Variants in CDC37L1 observed in about 807,000 individuals in gnomAD.
The protein encoded by CDC37L1 is cell division cycle 37 like 1, HSP90 cochaperone.
A neutral mutation model predicts 45.9 loss-of-function variants in CDC37L1; 32 were observed. The observed-to-expected ratio is 0.70, with a 90% CI of 0.53 to 0.94. The LOEUF (loss-of-function observed/expected upper bound fraction) is 0.94, where lower values mean the gene tolerates loss of function less well. CDC37L1 is among the 40% of genes least tolerant of loss of function. The pLI is 0.00. For synonymous variants in CDC37L1, 150 were observed against 133.0 expected (o/e 1.13, Z -0.88); for missense variants, 434 against 405.7 (o/e 1.07, Z -0.60).
intron 3 of CDC37L1, among the ~76,000 whole-genome samples, chr9:4,696,312 T>C (rs544379399): frequency 2.0e-5 from 3 of 152,294 alleles, no homozygotes; most frequent in African/African-American, 7.2e-5. Context: ...CTTCTTTGCA[T>C]GAGTCTAAGG....
In CDC37L1 at chr9:4,679,740, G is replaced by A. The variant is rs1841168181; in HGVS notation, c.-28G>A. On this transcript the variant is annotated 5_prime_UTR_variant, in exon 1 of 7. Coordinates refer to ENST00000381854, the MANE Select transcript of CDC37L1 (RefSeq NM_017913.4). ...GGCAGTGGCAGTTGTAGGGCCAAGG[G>A]CGGTTGTAGGACCCGGAGCAGCCGG... is the stretch of plus-strand genomic sequence containing the variant. The A allele has an allele frequency of 6.2e-7, 1 of 1,600,392 alleles. No homozygotes were observed. Among genetic ancestry groups the A allele is most frequent in the African/African-American group, 1.3e-5 (1 of 74,650 alleles).
chr9:4,690,755 C>G (rs1465413876), intron 3 of CDC37L1, among the ~76,000 whole-genome samples: 1 of 152,196 alleles, frequency 6.6e-6, no homozygotes, highest in Non-Finnish European at 1.5e-5. Context: ...GTGCCTGTTT[C>G]TTACTGAAAA....
At position 4,706,977 on chromosome 9, in the gene CDC37L1, T is replaced by G. The variant is rs180937132; in HGVS notation, c.*865T>G. On this transcript the variant is annotated 3_prime_UTR_variant, in exon 7 of 7. Transcript: ENST00000381854. ...TAAATTTGTAGTTATTTTACTCATG[T>G]TGCCTTTTAATTTTTGTTATTTTGG... is the stretch of plus-strand genomic sequence containing the variant. 3.7e-4 allele frequency: 57 copies of G among 152,308 alleles called. No individual in the cohort carries two copies. Among genetic ancestry groups the G allele is most frequent in the African/African-American group, 1.3e-3 (55 of 41,582 alleles). The allele number at this position is 152,308 out of a possible 1,614,324, so 9.4% of individuals were successfully genotyped here. A position where few individuals can be genotyped will look rare whatever the true frequency, so the allele number is the denominator to read the frequency against.
intron 2 of CDC37L1, among the ~76,000 whole-genome samples, chr9:4,687,689 A>C (rs1196783655): frequency 6.6e-6 from 1 of 150,794 alleles, no homozygotes. Flanking sequence ...AAAAAAAAAA[A>C]AAAAAAAAAA....
In CDC37L1 at chr9:4,679,838, G is replaced by C. The variant is rs200494761; in HGVS notation, c.71G>C (p.Ser24Thr). 5 of 1,613,908 alleles carry C rather than the reference G, an allele frequency of 3.1e-6. No homozygotes were observed. The South Asian group carries it at 4.4e-5, about 14-fold the overall frequency. The change falls in exon 1 of 7, where the codon AGT (serine) becomes ACT (threonine). Residue 24 changes from serine (S) to threonine (T), a missense_variant. Coordinates refer to ENST00000381854, the MANE Select transcript of CDC37L1 (RefSeq NM_017913.4). Reference sequence around the variant, plus strand: ...GCCGAGGGTGAGGCTGAGGAAGAGAGTGACTTCGACGTGTTCCCCAGTTCT... The same window carrying C: ...GCCGAGGGTGAGGCTGAGGAAGAGACTGACTTCGACGTGTTCCCCAGTTCT... ...PRAEGEAEEESDFDVFPSSPR... is the reference protein window; with the variant it reads ...PRAEGEAEEETDFDVFPSSPR...
chr9:4,680,665 A>T (rs911106306), intron 1 of CDC37L1, among the ~76,000 whole-genome samples: 1 of 151,900 alleles, frequency 6.6e-6, no homozygotes, highest in African/African-American at 2.4e-5. Flanking sequence ...ATACTTACAT[A>T]CTCGCATCAC....
chr9:4,703,136 T>G, intron 6 of CDC37L1: 2 of 1,515,016 alleles, frequency 1.3e-6, no homozygotes, highest in East Asian at 2.5e-5. Context: ...TTGTCTACAT[T>G]GTGAGAAGGA....
At chr9:4,698,029 T>C in intron 5 of CDC37L1, 150 bp downstream of exon 5, 1 of 697,618 alleles carries the variant, frequency 1.4e-6, no homozygotes. Flanking sequence ...ATATTGCTAA[T>C]TTCTTGCTAA....
chr9:4,680,691 T>C (rs934372254), intron 1 of CDC37L1, among the ~76,000 whole-genome samples: 3 of 152,190 alleles, frequency 2.0e-5, no homozygotes, highest in Admixed American at 6.5e-5. Flanking sequence ...CCTGTTTTTT[T>C]CTCCGAATCC....
At chr9:4,689,070 A>G (rs1392718719) in intron 3 of CDC37L1, among the ~76,000 whole-genome samples, 1 of 152,202 alleles carries the variant, frequency 6.6e-6, no homozygotes, top group Non-Finnish European at 1.5e-5. Context: ...AGAACTGAAA[A>G]ATAGGTTTTT....
intron 5 of CDC37L1, 135 bp downstream of exon 5, chr9:4,698,014 A>G (rs1587622067): frequency 1.3e-6 from 1 of 759,176 alleles, no homozygotes; most frequent in East Asian, 2.6e-5. Flanking sequence ...GTGAAAAGAA[A>G]ATTTATATTG....
chr9:4,706,377 T>C lies in CDC37L1; in HGVS notation c.*265T>C, dbSNP rs1004590339. ...GCTACTAAATTTGCTTTTAATCTTA[T>C]TGTTCTCAATTTTGGAATCAAGTAT... On this transcript the variant is annotated 3_prime_UTR_variant, in exon 7 of 7. Transcript: ENST00000381854. 4.5e-5 allele frequency: 11 copies of C among 246,964 alleles called. No homozygotes were observed. The highest frequency in any genetic ancestry group is 7.9e-5 in the Non-Finnish European group (10 of 125,838). The allele number at this position is 246,964 out of a possible 1,614,324, so 15.3% of individuals were successfully genotyped here.
chr9:4,687,248 T>C lies in CDC37L1; in HGVS notation c.415-1265T>C, dbSNP rs140892937. The stretch of plus-strand genomic sequence containing the variant: ...GAATGTTCTAAGAAACTTCTGCCAG[T>C]TTTTCTAGCTAGATACAAACTTTAT... On this transcript the variant is annotated intron_variant, in intron 2 of 6. Coordinates refer to ENST00000381854, the MANE Select transcript of CDC37L1 (RefSeq NM_017913.4). Among the ~76,000 whole-genome samples the C allele has an allele frequency of 7.6e-3, 1,150 of 152,290 alleles. 6 individuals are homozygous for C. The highest frequency in any genetic ancestry group is 0.012 in the Non-Finnish European group (800 of 68,016).
chr9:4,684,333 G>C (rs1346456415), intron 1 of CDC37L1, among the ~76,000 whole-genome samples: 1 of 152,058 alleles, frequency 6.6e-6, no homozygotes, highest in Non-Finnish European at 1.5e-5. Flanking sequence ...TAAATTAAAG[G>C]ATATCTGTCT....
At position 4,688,562 on chromosome 9, in the gene CDC37L1, C is replaced by A; in HGVS notation, c.464C>A (p.Ser155Ter). 1.3e-6 allele frequency: 2 copies of A among 1,526,494 alleles called. No homozygotes were observed. The highest frequency in any genetic ancestry group is 2.6e-5 in the South Asian group (2 of 76,164). 94.6% of individuals were successfully genotyped at this position (1,526,494 alleles called of 1,614,324 possible). Residue 155 changes from serine to a stop codon, truncating the protein, a stop_gained, in exon 3 of 7, where the codon TCA (serine) becomes TAA (stop). Coordinates refer to ENST00000381854, the MANE Select transcript of CDC37L1 (RefSeq NM_017913.4). LOFTEE classifies it high-confidence loss of function. The part of the protein sequence containing the change: ...KRKDTEDEDK[S>*]ESFMQKYEQK... ...AAAGACACAGAAGATGAAGATAAAT[C>A]AGAATCATTTATGCAAAAATATGAG... is the stretch of plus-strand genomic sequence containing the variant.
intron 5 of CDC37L1, among the ~76,000 whole-genome samples, chr9:4,700,714 G>C (rs1172070430): frequency 1.3e-5 from 2 of 152,024 alleles, no homozygotes; most frequent in African/African-American, 4.8e-5. Context: ...ACTATTCTAA[G>C]CACTTTACAT....
At chr9:4,680,135 G>T (rs1160243321) in intron 1 of CDC37L1, among the ~76,000 whole-genome samples, 3 of 152,080 alleles carry the variant, frequency 2.0e-5, no homozygotes, top group South Asian at 2.1e-4. Context: ...GTTTTCTTTC[G>T]CCTTGGCTGA....
chr9:4,697,061 A>G (rs777908567), intron 3 of CDC37L1, 35 bp from the exon 4 acceptor site: 3 of 875,582 alleles, frequency 3.4e-6, no homozygotes, highest in Non-Finnish European at 3.8e-6. Context: ...GAAAGAAAAT[A>G]TTTGACACTT....
intron 6 of CDC37L1, among the ~76,000 whole-genome samples, chr9:4,702,722 A>G (rs1322474806): frequency 6.6e-6 from 1 of 151,674 alleles, no homozygotes; most frequent in African/African-American, 2.4e-5. Context: ...TCTTCTAAAA[A>G]AAAAAAATAC....
Sources: gnomAD v4.1 joint callset for allele counts (sites outside exome capture counted in the v4.1 genomes callset) on GRCh38, gnomAD v4.1.1 for gene constraint, MANE v1.5 for transcripts, NCBI Gene and HGNC (gene_info 2026-07-23, HGNC 2026-07-21) for gene names.